STK24: variants seen among roughly 807,000 people sequenced by gnomAD.
STK24 encodes serine/threonine kinase 24.
In STK24, 21 loss-of-function variants were observed where a neutral mutation model predicts 55.6. The observed-to-expected ratio is 0.38, with a 90% CI of 0.27 to 0.54. The LOEUF is 0.54. Among genes scored for constraint, STK24 ranks in the 20% least tolerant of loss-of-function variants. The probability of loss-of-function intolerance (pLI) is 0.79; values close to 1 mark genes in which losing one functional copy is unlikely to be tolerated. For missense variants in STK24, 383 were observed against 538.4 expected (o/e 0.71, Z 2.86); for synonymous variants, 200 against 215.2 (o/e 0.93, Z 0.62).
chr13:98,490,575 T>C (rs1894984431), intron 2 of STK24, among the ~76,000 whole-genome samples: 3 of 152,166 alleles, frequency 2.0e-5, no homozygotes. Context: ...CAATACTAAG[T>C]TGGACTAACG....
intron 1 of STK24, among the ~76,000 whole-genome samples, chr13:98,550,886 GAATCAATTTCTGAATTAAGTTCCTT>G: frequency 6.6e-6 from 1 of 152,006 alleles, no homozygotes; most frequent in Admixed American, 6.6e-5. Context: ...AAAACCTTCT[GAATCAATTTCTGAATTAAGTTCCTT>G]AATCAACTTC....
At chr13:98,523,146 C>A (rs1355086497) in intron 1 of STK24, among the ~76,000 whole-genome samples, 1 of 152,168 alleles carries the variant, frequency 6.6e-6, no homozygotes. Flanking sequence ...AGGGACCACA[C>A]CTGGAGAACC....
intron 2 of STK24, among the ~76,000 whole-genome samples, chr13:98,485,470 C>G (rs1345228373): frequency 6.6e-6 from 1 of 152,164 alleles, no homozygotes. Flanking sequence ...TGCAAAATAT[C>G]TCAGGCACTG....
intron 10 of STK24, chr13:98,453,497 G>A (rs1404667570): frequency 3.1e-5 from 12 of 382,130 alleles, no homozygotes; most frequent in Middle Eastern, 7.2e-4. Flanking sequence ...TTTTACTTAC[G>A]ATCAATTGTC....
Position 98,470,706 on chromosome 13 carries a change from T to C in STK24, c.597+4115A>G, listed in dbSNP as rs574369560. On this transcript the variant is annotated intron_variant, in intron 5 of 10. Coordinates refer to ENST00000539966, the MANE Select transcript of STK24 (RefSeq NM_001032296.4). ...TGATGGTTCTGGACTCTCCTCAACA[T>C]TGGGAGATGTGGGGATCTATGCAAC... Among the ~76,000 whole-genome samples, 24 of 152,336 alleles carry C rather than the reference T, an allele frequency of 1.6e-4. No individual in the cohort carries two copies. The East Asian group carries it at 3.9e-3, about 25-fold the overall frequency.
intron 2 of STK24, among the ~76,000 whole-genome samples, chr13:98,482,577 G>A (rs773177626): frequency 1.1e-4 from 17 of 152,180 alleles, no homozygotes; most frequent in Non-Finnish European, 1.6e-4. Context: ...CAGGGCATGC[G>A]TTCCACCGAC....
intron 1 of STK24, among the ~76,000 whole-genome samples, chr13:98,521,586 G>A (rs1406730894): frequency 1.3e-5 from 2 of 152,040 alleles, no homozygotes; most frequent in African/African-American, 4.8e-5. Context: ...ATGCCCGGGT[G>A]GGTACCTCCC....
At chr13:98,470,569 A>G in intron 5 of STK24, among the ~76,000 whole-genome samples, 1 of 152,230 alleles carries the variant, frequency 6.6e-6, no homozygotes, top group Admixed American at 6.5e-5. Context: ...GAGAAAACAA[A>G]CAGTGGTTTC....
At chr13:98,504,876 G>T (rs1895630734) in intron 2 of STK24, among the ~76,000 whole-genome samples, 1 of 152,142 alleles carries the variant, frequency 6.6e-6, no homozygotes, top group Admixed American at 6.5e-5. Flanking sequence ...GATGAGGAAG[G>T]TGCACGTCTG....
intron 1 of STK24, among the ~76,000 whole-genome samples, chr13:98,558,624 A>G (rs1369584690): frequency 1.3e-5 from 2 of 152,210 alleles, no homozygotes; most frequent in Non-Finnish European, 2.9e-5. Flanking sequence ...AACTCTTAAG[A>G]TTATAGTTTA....
intron 1 of STK24, among the ~76,000 whole-genome samples, chr13:98,524,459 C>G (rs1896363594): frequency 6.6e-6 from 1 of 152,194 alleles, no homozygotes; most frequent in African/African-American, 2.4e-5. Flanking sequence ...GATAAACATG[C>G]AGCCAACTGC....
chr13:98,534,645 A>G (rs1189373692), intron 1 of STK24, among the ~76,000 whole-genome samples: 1 of 152,216 alleles, frequency 6.6e-6, no homozygotes, highest in Non-Finnish European at 1.5e-5. Flanking sequence ...AATATTTTGC[A>G]GACCCAGTGT....
rs570240970 is a variant in STK24, at chr13:98,464,189, G to A, written c.784-353C>T. Among the ~76,000 whole-genome samples the A allele has an allele frequency of 5.3e-5, 8 of 152,152 alleles. No individual in the cohort carries two copies. In the South Asian group the frequency reaches 8.3e-4, roughly 16 times the overall value. On this transcript the variant is annotated intron_variant, in intron 6 of 10. Coordinates refer to ENST00000539966, the MANE Select transcript of STK24 (RefSeq NM_001032296.4). ...TCCCAGCACTTTCGGAGGCCGAGGC[G>A]GGCAGATCACGAGGTCAGGAGATCG...
chr13:98,447,539 G>T lies in STK24; in HGVS notation c.*5634C>A, dbSNP rs1892926569. 6.6e-6 allele frequency: 1 copy of T among 152,642 alleles called. No homozygotes were observed. Among genetic ancestry groups the T allele is most frequent in the Admixed American group, 6.5e-5 (1 of 15,306 alleles). 9.5% of individuals were successfully genotyped at this position (152,642 alleles called of 1,614,324 possible). ...TAATTTGGGGAGTCCGTCCTGCATTGTGCAGGATGTTCAGCGGCATCCCTG... is the reference window on the plus strand; with the variant it reads ...TAATTTGGGGAGTCCGTCCTGCATTTTGCAGGATGTTCAGCGGCATCCCTG... On this transcript the variant is annotated 3_prime_UTR_variant, in exon 11 of 11. Transcript: ENST00000539966.
At chr13:98,515,824 G>A (rs994111638) in intron 2 of STK24, among the ~76,000 whole-genome samples, 3 of 152,186 alleles carry the variant, frequency 2.0e-5, no homozygotes, top group African/African-American at 7.2e-5. Context: ...GTCCTGGCCT[G>A]CTATATAAAA....
Position 98,461,803 on chromosome 13 carries a change from G to A in STK24, c.1024C>T (p.Leu342Phe). 6.2e-7 allele frequency: 1 copy of A among 1,614,136 alleles called. No individual in the cohort carries two copies. The highest frequency in any genetic ancestry group is 1.3e-5 in the African/African-American group (1 of 75,044). ...TTTCTGTCCAAGTCCGATGGCTGAAGAGCTCCATTCTCGAGATTCTTGGGA... is the reference window on the plus strand; with the variant it reads ...TTTCTGTCCAAGTCCGATGGCTGAAAAGCTCCATTCTCGAGATTCTTGGGA... ...KDPKNLENGALQPSDLDRNKM... is the reference protein window; with the variant it reads ...KDPKNLENGAFQPSDLDRNKM... The change falls in exon 8 of 11, where the codon CTT becomes TTT. Residue 342 changes from leucine to phenylalanine, a missense_variant. By Grantham distance (22) the Leu-to-Phe change is conservative. Coordinates refer to ENST00000539966, the MANE Select transcript of STK24 (RefSeq NM_001032296.4).
chr13:98,473,374 G>A (rs1463343494), intron 5 of STK24, among the ~76,000 whole-genome samples: 4 of 149,338 alleles, frequency 2.7e-5, no homozygotes, highest in Admixed American at 2.7e-4. Flanking sequence ...AATAATCGAG[G>A]TGGTGTCATC....
At chr13:98,469,309 G>A (rs1894046208) in intron 5 of STK24, among the ~76,000 whole-genome samples, 2 of 152,202 alleles carry the variant, frequency 1.3e-5, no homozygotes, top group Admixed American at 1.3e-4. Flanking sequence ...ACCACTTTGG[G>A]AGGCCGACGC....
intron 1 of STK24, among the ~76,000 whole-genome samples, chr13:98,541,251 C>T (rs929738733): frequency 3.9e-5 from 6 of 151,958 alleles, no homozygotes; most frequent in African/African-American, 1.2e-4. Context: ...TCCCTGTAAC[C>T]GGCTGCAGGA....
Sources: allele counts gnomAD v4.1 joint callset (sites outside exome capture counted in the v4.1 genomes callset), GRCh38; gene constraint gnomAD v4.1.1; transcripts MANE v1.5; gene names NCBI Gene and HGNC (gene_info 2026-07-23, HGNC 2026-07-21).